TTC28: variants seen among roughly 807,000 people sequenced by gnomAD.
TTC28 encodes tetratricopeptide repeat domain 28, also known as tetratricopeptide repeat protein 28.
A neutral mutation model predicts 198.0 loss-of-function variants in TTC28; 61 were observed. That is an observed-to-expected ratio of 0.31 (90% CI 0.25 to 0.38). The LOEUF is 0.38. TTC28 is among the 10% of genes least tolerant of loss of function. The probability of loss-of-function intolerance (pLI) is 1.00; values close to 1 mark genes in which losing one functional copy is unlikely to be tolerated. For synonymous variants in TTC28, 1,171 were observed against 1,297.8 expected (o/e 0.90, Z 2.10); for missense variants, 2,678 against 3,164.0 (o/e 0.85, Z 3.69).
chr22:28,589,955 C>T (rs1192445740), intron 2 of TTC28, among the ~76,000 whole-genome samples: 1 of 142,774 alleles, frequency 7.0e-6, no homozygotes, highest in African/African-American at 2.6e-5. Flanking sequence ...GAGAACTGCT[C>T]GAACCCGGGA....
At chr22:28,048,555 T>C (rs947928875) in intron 12 of TTC28, among the ~76,000 whole-genome samples, 1 of 152,188 alleles carries the variant, frequency 6.6e-6, no homozygotes, top group African/African-American at 2.4e-5. Context: ...GACGTGGCAT[T>C]AAGATAAAAG....
At chr22:28,550,871 T>G (rs2049656168) in intron 2 of TTC28, among the ~76,000 whole-genome samples, 1 of 152,056 alleles carries the variant, frequency 6.6e-6, no homozygotes, top group Admixed American at 6.5e-5. Context: ...AAAAAGATAT[T>G]CCATGCAAAT....
At chr22:28,097,198 C>G (rs900644343) in intron 10 of TTC28, among the ~76,000 whole-genome samples, 2 of 152,208 alleles carry the variant, frequency 1.3e-5, no homozygotes, top group African/African-American at 4.8e-5. Context: ...CTCTCCTGGG[C>G]GTGCCCTTTT....
intron 2 of TTC28, among the ~76,000 whole-genome samples, chr22:28,313,659 A>G (rs2045304946): frequency 6.6e-6 from 1 of 152,220 alleles, no homozygotes; most frequent in Non-Finnish European, 1.5e-5. Flanking sequence ...ACAAAATTCA[A>G]CAGCCTTTCA....
chr22:28,296,394 TA>T (rs1226002226), intron 4 of TTC28, 66 bp from the exon 5 acceptor site: 1 of 1,252,216 alleles, frequency 8.0e-7, no homozygotes, highest in Non-Finnish European at 1.0e-6. Context: ...TTATAACATA[TA>T]ATGGTCATCT....
intron 2 of TTC28, among the ~76,000 whole-genome samples, chr22:28,553,556 C>T (rs2145971157): frequency 6.6e-6 from 1 of 152,038 alleles, no homozygotes; most frequent in Non-Finnish European, 1.5e-5. Flanking sequence ...CTGGCAGCCA[C>T]CCCGTCTGAG....
chr22:28,406,433 T>C, intron 2 of TTC28, among the ~76,000 whole-genome samples: 1 of 152,202 alleles, frequency 6.6e-6, no homozygotes, highest in East Asian at 1.9e-4. Context: ...TTCCCAAATT[T>C]CAGGCTGAAA....
intron 2 of TTC28, among the ~76,000 whole-genome samples, chr22:28,458,716 C>T (rs2047902562): frequency 6.6e-6 from 1 of 151,700 alleles, no homozygotes; most frequent in Non-Finnish European, 1.5e-5. Context: ...CCCATCTCTA[C>T]TAAAAATACA....
In TTC28 at chr22:28,625,862, T is replaced by C. The variant is rs767426679; in HGVS notation, c.381+3690A>G. Among the ~76,000 whole-genome samples, 6 of 152,130 alleles carry C rather than the reference T, an allele frequency of 3.9e-5. No homozygotes were observed. The East Asian group carries it at 5.8e-4, about 15-fold the overall frequency. On this transcript the variant is annotated intron_variant, in intron 2 of 22. Coordinates refer to ENST00000397906, the MANE Select transcript of TTC28 (RefSeq NM_001145418.2). ...GATATATACACAGAAATCAGTGAAA[T>C]AGAGAATCTAGTAATAACTCCATAC... is the stretch of plus-strand genomic sequence containing the variant.
chr22:28,576,543 A>G (rs73170606), intron 2 of TTC28, among the ~76,000 whole-genome samples: 20,206 of 152,058 alleles, frequency 0.13, 1,827 homozygotes, highest in Non-Finnish European at 0.2. Flanking sequence ...TTTTCAAAAT[A>G]GTTTGATCAG....
At chr22:28,582,225 T>C (rs930146589) in intron 2 of TTC28, among the ~76,000 whole-genome samples, 1 of 152,126 alleles carries the variant, frequency 6.6e-6, no homozygotes, top group African/African-American at 2.4e-5. Flanking sequence ...TAAGGGGTGA[T>C]AGGGAGAAGA....
chr22:28,397,033 C>A (rs1363667258), intron 2 of TTC28, among the ~76,000 whole-genome samples: 1 of 151,952 alleles, frequency 6.6e-6, no homozygotes, highest in Non-Finnish European at 1.5e-5. Flanking sequence ...GCAAACTAAT[C>A]CAATATTAAG....
At chr22:28,463,710 A>G (rs1156321935) in intron 2 of TTC28, among the ~76,000 whole-genome samples, 1 of 152,008 alleles carries the variant, frequency 6.6e-6, no homozygotes, top group African/African-American at 2.4e-5. Context: ...GGTATTGAAC[A>G]ATGAGGACAC....
At chr22:28,578,879 G>A (rs915492821) in intron 2 of TTC28, among the ~76,000 whole-genome samples, 1 of 152,048 alleles carries the variant, frequency 6.6e-6, no homozygotes, top group African/African-American at 2.4e-5. Context: ...GAGGCAAATT[G>A]TCTATCCCAG....
chr22:28,381,459 C>T (rs569134545), intron 2 of TTC28, among the ~76,000 whole-genome samples: 19 of 152,218 alleles, frequency 1.2e-4, no homozygotes, highest in Non-Finnish European at 2.1e-4. Context: ...TATTCAAGGA[C>T]GGAGCTTCCC....
In TTC28 at chr22:28,096,314, G is replaced by A. The variant is rs1009710301; in HGVS notation, c.3642C>T (p.Ser1214=). ...CAATAGTGACTGGGGAGTAGGGGTC[G>A]GAGTCTTGTTGTCCTGTTTGTCGTT... ...LVERQTGQQD[S]DPYSPVTIDQ... The change falls in exon 11 of 23, where the codon TCC becomes TCT. Residue 1214 remains serine (S), a synonymous_variant. Transcript: ENST00000397906. The A allele has an allele frequency of 1.2e-5, 19 of 1,551,826 alleles. No homozygotes were observed. Among genetic ancestry groups the A allele is most frequent in the Middle Eastern group, 1.7e-4 (1 of 6,010 alleles).
intron 12 of TTC28, among the ~76,000 whole-genome samples, chr22:28,076,582 T>C (rs1941177877): frequency 6.6e-6 from 1 of 152,154 alleles, no homozygotes; most frequent in Non-Finnish European, 1.5e-5. Flanking sequence ...GCTTTCCTTC[T>C]TTCATTCACC....
Position 28,079,255 on chromosome 22 carries a change from G to A in TTC28, c.3932+14825C>T, listed in dbSNP as rs567978865. ...GGAGAAGACAGATAAGATAGGAAGT[G>A]GTAGCAGTGGTTTAGGATAGAGATG... On this transcript the variant is annotated intron_variant, in intron 12 of 22. Transcript: ENST00000397906. 4.6e-5 allele frequency among the ~76,000 whole-genome samples: 7 copies of A among 152,302 alleles called. No individual in the cohort carries two copies. The East Asian group carries it at 1.2e-3, about 25-fold the overall frequency.
chr22:28,066,320 T>C (rs941266710), intron 12 of TTC28, among the ~76,000 whole-genome samples: 7 of 151,918 alleles, frequency 4.6e-5, no homozygotes, highest in African/African-American at 1.5e-4. Context: ...TGTGTGTGTG[T>C]GTGCGCGCGC....
Sources: allele counts gnomAD v4.1 joint callset (sites outside exome capture counted in the v4.1 genomes callset), GRCh38; gene constraint gnomAD v4.1.1; transcripts MANE v1.5; gene names NCBI Gene and HGNC (gene_info 2026-07-23, HGNC 2026-07-21).